SLCO3A1: variants seen among roughly 807,000 people sequenced by gnomAD.
SLCO3A1 encodes solute carrier organic anion transporter family member 3A1.
SLCO3A1 carries 27 observed loss-of-function variants against 63.1 expected under a neutral mutation model. The observed-to-expected ratio is 0.43, with a 90% CI of 0.32 to 0.59. The LOEUF is 0.59. Among genes scored for constraint, SLCO3A1 ranks in the 20% least tolerant of loss-of-function variants. SLCO3A1 has a pLI of 0.09. For missense variants in SLCO3A1, 773 were observed against 945.8 expected (o/e 0.82, Z 2.40); for synonymous variants, 473 against 409.9 (o/e 1.15, Z -1.86).
At chr15:92,048,366 C>G (rs983087765) in intron 2 of SLCO3A1, among the ~76,000 whole-genome samples, 1 of 152,098 alleles carries the variant, frequency 6.6e-6, no homozygotes, top group South Asian at 2.1e-4. Context: ...CCCAGTCCTG[C>G]TGCTATGAAA....
intron 1 of SLCO3A1, among the ~76,000 whole-genome samples, chr15:91,868,007 C>T (rs964519400): frequency 6.6e-6 from 1 of 152,114 alleles, no homozygotes; most frequent in East Asian, 1.9e-4. Context: ...ATCTATTCAT[C>T]GCCTGGCTCT....
intron 7 of SLCO3A1, 86 bp downstream of exon 7, chr15:92,128,575 T>C (rs1428245921): frequency 8.0e-7 from 1 of 1,251,116 alleles, no homozygotes; most frequent in Non-Finnish European, 1.1e-6. Flanking sequence ...GTTGTTCGCC[T>C]TCCCTGTGAC....
chr15:92,163,342 C>T lies in SLCO3A1; in HGVS notation c.*207C>T, dbSNP rs924410293. On this transcript the variant is annotated 3_prime_UTR_variant, in exon 10 of 10. Transcript: ENST00000318445. ...AGAATAAGGAGAGAATGACATCGTG[C>T]GGCAGGGTCCTGGAGGCCACTTGCG... The T allele has an allele frequency of 3.6e-5, 43 of 1,210,312 alleles. No individual in the cohort carries two copies. The highest frequency in any genetic ancestry group is 1.1e-4 in the East Asian group (3 of 27,426). The allele number at this position is 1,210,312 out of a possible 1,614,324, so 75.0% of individuals were successfully genotyped here.
chr15:91,924,826 G>A (rs893781634), intron 2 of SLCO3A1, among the ~76,000 whole-genome samples: 3 of 152,240 alleles, frequency 2.0e-5, no homozygotes, highest in African/African-American at 7.2e-5. Flanking sequence ...AAGGTTCCCC[G>A]AAGAGAGTAT....
intron 2 of SLCO3A1, among the ~76,000 whole-genome samples, chr15:92,058,454 C>G (rs1461666792): frequency 6.6e-6 from 1 of 152,112 alleles, no homozygotes; most frequent in Non-Finnish European, 1.5e-5. Flanking sequence ...AAGGGAATGG[C>G]CTTCAGATGA....
At chr15:92,066,286 C>T (rs1019770572) in intron 2 of SLCO3A1, among the ~76,000 whole-genome samples, 7 of 152,216 alleles carry the variant, frequency 4.6e-5, no homozygotes, top group East Asian at 1.9e-4. Context: ...AGTGACCCAA[C>T]GGAAAGAACC....
intron 2 of SLCO3A1, among the ~76,000 whole-genome samples, chr15:92,060,095 G>T (rs1016036762): frequency 6.6e-6 from 1 of 152,160 alleles, no homozygotes; most frequent in East Asian, 1.9e-4. Flanking sequence ...ATAAACAGTG[G>T]TACACCTATA....
chr15:92,074,886 A>G (rs932191487), intron 2 of SLCO3A1, among the ~76,000 whole-genome samples: 4 of 152,048 alleles, frequency 2.6e-5, no homozygotes, highest in Non-Finnish European at 5.9e-5. Context: ...AAAGTACTTC[A>G]CACCCGTGGC....
intron 2 of SLCO3A1, among the ~76,000 whole-genome samples, chr15:92,019,374 A>G (rs777500039): frequency 6.6e-6 from 1 of 152,190 alleles, no homozygotes; most frequent in Non-Finnish European, 1.5e-5. Context: ...CAAATCAGGT[A>G]AAGGCAAAGC....
At position 91,856,450 on chromosome 15, in the gene SLCO3A1, T is replaced by C. The variant is rs895083250; in HGVS notation, c.180+2362T>C. Among the ~76,000 whole-genome samples, 3 of 152,216 alleles carry C rather than the reference T, an allele frequency of 2.0e-5. No homozygotes were observed. The highest frequency in any genetic ancestry group is 2.9e-5 in the Non-Finnish European group (2 of 68,020). ...ACGCAGCTTGCTATGGGCTTTGCTC[T>C]TCTGGGCCACTTCAGAGTTTTCTCT... On this transcript the variant is annotated intron_variant, in intron 1 of 9. Coordinates refer to ENST00000318445, the MANE Select transcript of SLCO3A1 (RefSeq NM_013272.4). This position sits in a 1 kb window ranked among gnomAD's most constrained non-coding sequence, Gnocchi z 4.9.
chr15:91,965,949 A>C (rs1300950197), intron 2 of SLCO3A1, among the ~76,000 whole-genome samples: 9 of 152,076 alleles, frequency 5.9e-5, no homozygotes, highest in Admixed American at 5.9e-4. Flanking sequence ...GCCCTCAAGG[A>C]GATTGTGTGA....
chr15:92,025,425 C>T (rs1400330726), intron 2 of SLCO3A1, among the ~76,000 whole-genome samples: 4 of 152,166 alleles, frequency 2.6e-5, no homozygotes, highest in East Asian at 1.9e-4. Flanking sequence ...GCAGCAACAG[C>T]GATGACACTA....
chr15:92,159,305 T>A (rs112210360), intron 9 of SLCO3A1, among the ~76,000 whole-genome samples: 1 of 151,940 alleles, frequency 6.6e-6, no homozygotes, highest in Non-Finnish European at 1.5e-5. Context: ...GCCAACATAG[T>A]GAAACCCCGT....
intron 2 of SLCO3A1, among the ~76,000 whole-genome samples, chr15:91,931,710 A>G (rs1899234670): frequency 6.6e-6 from 1 of 151,468 alleles, no homozygotes; most frequent in South Asian, 2.1e-4. Flanking sequence ...ACCTCAGGTG[A>G]TCCACCTGCC....
downstream of SLCO3A1, among the ~76,000 whole-genome samples, chr15:92,169,797 G>A (rs1374870828): frequency 6.6e-6 from 1 of 152,152 alleles, no homozygotes; most frequent in Non-Finnish European, 1.5e-5. Flanking sequence ...CCTCTCCAGA[G>A]GAGACCAGGG....
intron 2 of SLCO3A1, among the ~76,000 whole-genome samples, chr15:92,014,326 G>A (rs1230463235): frequency 4.6e-5 from 7 of 152,178 alleles, no homozygotes; most frequent in Non-Finnish European, 8.8e-5. Context: ...GATGTGAAGC[G>A]TGGGTGGCAG....
intron 2 of SLCO3A1, among the ~76,000 whole-genome samples, chr15:91,964,742 A>AG (rs1257497796): frequency 2.7e-5 from 4 of 150,850 alleles, no homozygotes; most frequent in Non-Finnish European, 5.9e-5. Context: ...AAAATTAGAT[A>AG]GTTTTTTTTT....
chr15:92,072,343 C>T (rs1241262924), intron 2 of SLCO3A1, among the ~76,000 whole-genome samples: 1 of 151,574 alleles, frequency 6.6e-6, no homozygotes, highest in Non-Finnish European at 1.5e-5. Flanking sequence ...TTGTTGTCGG[C>T]TCATTATAAC....
At chr15:92,150,531 T>G (rs2048290810) in intron 8 of SLCO3A1, among the ~76,000 whole-genome samples, 1 of 152,184 alleles carries the variant, frequency 6.6e-6, no homozygotes, top group South Asian at 2.1e-4. Context: ...GTAAAGGTGC[T>G]CATGGTTTCA....
Sources: gnomAD v4.1 joint callset for allele counts (sites outside exome capture counted in the v4.1 genomes callset) on GRCh38, gnomAD v4.1.1 for gene constraint, Gnocchi (gnomAD v3.1) non-coding constraint, MANE v1.5 for transcripts, NCBI Gene and HGNC (gene_info 2026-07-23, HGNC 2026-07-21) for gene names.